Variants in SRGAP2C observed in about 807,000 individuals in gnomAD.
SRGAP2C encodes SLIT-ROBO Rho GTPase-activating protein 2C.
In SRGAP2C, 15 loss-of-function variants were observed where a neutral mutation model predicts 25.1. That is an observed-to-expected ratio of 0.60 (90% confidence interval 0.40 to 0.92). SRGAP2C has a LOEUF of 0.92. SRGAP2C is among the 40% of genes least tolerant of loss of function. SRGAP2C has a pLI of 0.00. For missense variants in SRGAP2C, 144 were observed against 264.4 expected (o/e 0.54, Z 3.16); for synonymous variants, 44 against 96.6 (o/e 0.46, Z 3.19).
intron 3 of SRGAP2C, among the ~76,000 whole-genome samples, chr1:121,285,285 C>T (rs1282006224): frequency 1.3e-5 from 2 of 150,576 alleles, no homozygotes; most frequent in Non-Finnish European, 3.0e-5. Context: ...TTGCTTAATC[C>T]CAACAACTCC....
At chr1:121,343,371 G>T (rs1194409736) in intron 4 of SRGAP2C, among the ~76,000 whole-genome samples, 6 of 152,084 alleles carry the variant, frequency 3.9e-5, no homozygotes, top group East Asian at 1.9e-4. Context: ...GTACCTGCTG[G>T]CATTATTAAA....
intron 2 of SRGAP2C, among the ~76,000 whole-genome samples, chr1:121,220,214 G>GAA (rs1655488376): frequency 6.6e-6 from 1 of 151,858 alleles, no homozygotes; most frequent in African/African-American, 2.4e-5. Flanking sequence ...GCTGGCCATG[G>GAA]TAGGTAAAGC....
At chr1:121,198,996 G>A (rs1219023889) in intron 2 of SRGAP2C, among the ~76,000 whole-genome samples, 4 of 152,140 alleles carry the variant, frequency 2.6e-5, no homozygotes, top group Non-Finnish European at 5.9e-5. Flanking sequence ...CCTGTAAGAT[G>A]GGAACAACAA....
chr1:121,198,286 T>A (rs1335002320), intron 2 of SRGAP2C, among the ~76,000 whole-genome samples: 1 of 151,624 alleles, frequency 6.6e-6, no homozygotes, highest in Non-Finnish European at 1.5e-5. Flanking sequence ...TCTTTGTTTT[T>A]TTTTTTTGTT....
chr1:121,305,001 T>C (rs1428553955), intron 3 of SRGAP2C, among the ~76,000 whole-genome samples: 1 of 152,148 alleles, frequency 6.6e-6, no homozygotes, highest in African/African-American at 2.4e-5. Flanking sequence ...GTCAGGGCTT[T>C]AGCAGAAGTC....
rs587707953 is a variant in SRGAP2C at position 121,263,018 on chromosome 1, A to G, written c.68-21785A>G. Among the ~76,000 whole-genome samples, 10 of 151,994 alleles carry G rather than the reference A, an allele frequency of 6.6e-5. No individual in the cohort carries two copies. In the East Asian group the frequency reaches 1.4e-3, roughly 21 times the overall value. On this transcript the variant is annotated intron_variant, in intron 2 of 9. Transcript: ENST00000367123. ...GAGACCTGTAAAATAATTTAAAACC[A>G]TTTTTTTATCATATCTTTAAAAAAT... is the stretch of plus-strand genomic sequence containing the variant.
intron 2 of SRGAP2C, among the ~76,000 whole-genome samples, chr1:121,277,987 C>A (rs1355672623): frequency 4.1e-5 from 6 of 146,236 alleles, no homozygotes; most frequent in Non-Finnish European, 9.1e-5. Flanking sequence ...GTCACCCAGG[C>A]TGGAGTATAG....
At chr1:121,191,563 C>G (rs1315329286) in intron 2 of SRGAP2C, among the ~76,000 whole-genome samples, 1 of 147,526 alleles carries the variant, frequency 6.8e-6, no homozygotes, top group Non-Finnish European at 1.5e-5. Context: ...TGGTCATAAA[C>G]TGAAGCCTTT....
intron 2 of SRGAP2C, among the ~76,000 whole-genome samples, chr1:121,264,017 G>A: frequency 6.6e-6 from 1 of 152,030 alleles, no homozygotes; most frequent in South Asian, 2.1e-4. Context: ...GTAGGCAGGG[G>A]ATAAATTCTT....
intron 2 of SRGAP2C, among the ~76,000 whole-genome samples, chr1:121,254,422 T>TA (rs138059541): frequency 0.018 from 1,005 of 57,382 alleles, 54 homozygotes; most frequent in Non-Finnish European, 0.027. Context: ...CTGCTGATTT[T>TA]AAAAAAACAT....
At chr1:121,348,762 T>A (rs2101631120) in intron 4 of SRGAP2C, among the ~76,000 whole-genome samples, 2 of 143,924 alleles carry the variant, frequency 1.4e-5, no homozygotes, top group East Asian at 4.3e-4. Context: ...CACCAATTAA[T>A]AGTTGTTCTC....
At chr1:121,288,386 AG>A (rs1184270948) in intron 3 of SRGAP2C, among the ~76,000 whole-genome samples, 2 of 131,456 alleles carry the variant, frequency 1.5e-5, no homozygotes, top group Non-Finnish European at 3.2e-5. Context: ...ACAATCTCTG[AG>A]CTAGACATAA....
intron 2 of SRGAP2C, among the ~76,000 whole-genome samples, chr1:121,218,972 A>G (rs1553325246): frequency 6.6e-6 from 1 of 152,196 alleles, no homozygotes; most frequent in African/African-American, 2.4e-5. Flanking sequence ...CTCCACCACT[A>G]CAACCTTTTA....
intron 2 of SRGAP2C, among the ~76,000 whole-genome samples, chr1:121,226,156 A>G (rs1655662216): frequency 6.8e-6 from 1 of 146,640 alleles, no homozygotes; most frequent in Non-Finnish European, 1.5e-5. Context: ...ATGGGAAAAA[A>G]AATTTGTTTT....
chr1:121,221,901 G>A (rs1280362050), intron 2 of SRGAP2C, among the ~76,000 whole-genome samples: 8 of 151,868 alleles, frequency 5.3e-5, no homozygotes, highest in Non-Finnish European at 7.4e-5. Flanking sequence ...GTAAACTCAT[G>A]GAGCTGGCTC....
chr1:121,231,618 CAGA>C (rs1553327573), intron 2 of SRGAP2C, among the ~76,000 whole-genome samples: 2 of 151,728 alleles, frequency 1.3e-5, no homozygotes, highest in Non-Finnish European at 2.9e-5. Flanking sequence ...ATCATAAAGT[CAGA>C]AGATGTTATG....
intron 3 of SRGAP2C, among the ~76,000 whole-genome samples, chr1:121,286,078 T>A (rs1281358474): frequency 3.7e-3 from 561 of 152,268 alleles, no homozygotes; most frequent in Admixed American, 8.8e-3. Flanking sequence ...CTGGCCCCCA[T>A]GCAGCCCACA....
chr1:121,300,120 CCA>C (rs2101584168), intron 3 of SRGAP2C, among the ~76,000 whole-genome samples: 1 of 141,328 alleles, frequency 7.1e-6, no homozygotes, highest in South Asian at 2.3e-4. Flanking sequence ...TCCTTTCTTA[CCA>C]CAGAGTCCTA....
At chr1:121,315,634 T>C (rs1658080888) in intron 3 of SRGAP2C, among the ~76,000 whole-genome samples, 1 of 148,246 alleles carries the variant, frequency 6.7e-6, no homozygotes, top group Non-Finnish European at 1.5e-5. Flanking sequence ...CCAATGGACA[T>C]ACAAATTTGG....
Sources: allele counts gnomAD v4.1 joint callset (sites outside exome capture counted in the v4.1 genomes callset), GRCh38; gene constraint gnomAD v4.1.1; transcripts MANE v1.5; gene names NCBI Gene and HGNC (gene_info 2026-07-23, HGNC 2026-07-21).